Variants in SLC22A6 observed in about 807,000 individuals in gnomAD.
The protein encoded by SLC22A6 is PAH transporter.
Under a neutral mutation model 56.7 loss-of-function variants are expected in SLC22A6, and 45 were observed. That is an observed-to-expected ratio of 0.79 (90% CI 0.63 to 1.02). The LOEUF (loss-of-function observed/expected upper bound fraction) is 1.02. SLC22A6 is among the 50% of genes least tolerant of loss of function. The pLI is 0.00. For missense variants in SLC22A6, 606 were observed against 713.8 expected (o/e 0.85, Z 1.72); for synonymous variants, 291 against 295.9 (o/e 0.98, Z 0.17).
rs773816478 is a variant in SLC22A6, at chr11:62,977,191, C to G, written c.1558G>C (p.Glu520Gln). 1.9e-6 allele frequency: 3 copies of G among 1,614,182 alleles called. No individual in the cohort carries two copies. Among genetic ancestry groups the G allele is most frequent in the Non-Finnish European group, 2.5e-6 (3 of 1,180,032 alleles). ...TTCTGAGTGGGGGCCCACCTGCTCT[C>G]CAGGTCCTGCACCGTGTCTGGCAGT... ...QPLPDTVQDLESRKGKQTRQQ... is the reference protein window; with the variant it reads ...QPLPDTVQDLQSRKGKQTRQQ... Residue 520 changes from glutamate (E) to glutamine (Q), a missense_variant, in exon 9 of 10, where the codon GAG (glutamate) becomes CAG (glutamine). Physicochemically the swap from Glu to Gln is conservative, Grantham distance 29 (BLOSUM62 2). Coordinates refer to ENST00000360421, the MANE Select transcript of SLC22A6 (RefSeq NM_153276.3).
At position 62,984,474 on chromosome 11, in the gene SLC22A6, C is replaced by T. The variant is rs778178722; in HGVS notation, c.217G>A (p.Gly73Arg). The change falls in exon 1 of 10, where the codon GGG becomes AGG. Residue 73 changes from glycine (G) to arginine (R), a missense_variant. Transcript: ENST00000360421. ...LEVWLPRDRQGQPESCLRFTS... is the reference protein window; with the variant it reads ...LEVWLPRDRQRQPESCLRFTS... ...AAGCGGAGGCAGGACTCAGGCTGCCCCTGCCTGTCCCGGGGCAGCCAGACC... is the reference window on the plus strand; with the variant it reads ...AAGCGGAGGCAGGACTCAGGCTGCCTCTGCCTGTCCCGGGGCAGCCAGACC... 1.6e-4 allele frequency: 263 copies of T among 1,613,804 alleles called. 4 individuals carry two copies. The Admixed American group carries it at 4.3e-3, about 27-fold the overall frequency.
Position 62,984,693 on chromosome 11 carries a change from G to A in SLC22A6, c.-3C>T, listed in dbSNP as rs762880562. 1.9e-6 allele frequency: 3 copies of A among 1,611,698 alleles called. No homozygotes were observed. Among genetic ancestry groups the A allele is most frequent in the Non-Finnish European group, 2.5e-6 (3 of 1,179,588 alleles). On this transcript the variant is annotated 5_prime_UTR_variant, in exon 1 of 10. Transcript: ENST00000360421. ...TGCAGGAGGTCATTAAAGGCCATTG[G>A]GCCAGGCCCAGCCCAGTGGCTGGGG...
chr11:62,983,739 G>T lies in SLC22A6; in HGVS notation c.474-48C>A. The T allele has an allele frequency of 6.4e-7, 1 of 1,559,530 alleles. No individual in the cohort carries two copies. Among genetic ancestry groups the T allele is most frequent in the Non-Finnish European group, 8.7e-7 (1 of 1,151,258 alleles). ...TAGCAGGGCCCTGGAGACTGATGGG[G>T]GTCAGGCTGAGCCAGGAGAGGAGGG... is the stretch of plus-strand genomic sequence containing the variant. On this transcript the variant is annotated intron_variant, in intron 2 of 9. Coordinates refer to ENST00000360421, the MANE Select transcript of SLC22A6 (RefSeq NM_153276.3). The surrounding 1 kb of genome is among the most constrained non-coding windows in gnomAD (Gnocchi z 4.5).
intron 8 of SLC22A6, among the ~76,000 whole-genome samples, 193 bp from the exon 9 acceptor site, chr11:62,977,580 A>G (rs1166983880): frequency 6.6e-6 from 1 of 151,966 alleles, no homozygotes; most frequent in African/African-American, 2.4e-5. Context: ...CTGTGTTGCC[A>G]GGGCTGGTCT....
chr11:62,983,558 A>G lies in SLC22A6; in HGVS notation c.607T>C (p.Ser203Pro). The change falls in exon 3 of 10, where the codon TCC (serine) becomes CCC (proline). Residue 203 changes from serine (S) to proline (P), a missense_variant. Coordinates refer to ENST00000360421, the MANE Select transcript of SLC22A6 (RefSeq NM_153276.3). The surrounding 1 kb of genome is among the most constrained non-coding windows in gnomAD (Gnocchi z 4.5). ...TCACTCAGTGTCATGCAGTTGAGGG[A>G]GATGCCAGCCAGAGCCATGCCCGAG... ...LLSGMALAGISLNCMTLNVEW... is the reference protein window; with the variant it reads ...LLSGMALAGIPLNCMTLNVEW... 1 of 1,565,584 alleles carries G rather than the reference A, an allele frequency of 6.4e-7. No individual in the cohort carries two copies.
chr11:62,982,643 T>C (rs149417167), intron 3 of SLC22A6, among the ~76,000 whole-genome samples: 12 of 152,344 alleles, frequency 7.9e-5, no homozygotes, highest in African/African-American at 2.6e-4. Context: ...GGTTGAGGAA[T>C]GCCCTTGGGT....
In SLC22A6 at chr11:62,984,319, C is replaced by T; in HGVS notation, c.369+3G>A. 1.9e-6 allele frequency: 3 copies of T among 1,613,118 alleles called. No individual in the cohort carries two copies. The highest frequency in any genetic ancestry group is 3.3e-5 in the Admixed American group (2 of 60,008). The stretch of plus-strand genomic sequence containing the variant: ...CCCTGGATGGGGAGCCCCAGGTGCT[C>T]ACCTCAGTCACGATGGTAGATGGGA... On this transcript the variant is annotated splice_donor_region_variant and intron_variant, in intron 1 of 9. Transcript: ENST00000360421.
rs914594900 is a variant in SLC22A6 at position 62,981,276 on chromosome 11, G to A, written c.905C>T (p.Ala302Val). ...ARINGKREEG[A>V]KLSMEVLRAS... The stretch of plus-strand genomic sequence containing the variant: ...GGATCTCACCTCCATACTCAATTTG[G>A]CTCCTTCTTCCCGCTTCCCATTGAT... The change falls in exon 5 of 10, where the codon GCC becomes GTC. Residue 302 changes from alanine to valine, a missense_variant. By Grantham distance (64) the Ala-to-Val change is moderately conservative. Coordinates refer to ENST00000360421, the MANE Select transcript of SLC22A6 (RefSeq NM_153276.3). The A allele has an allele frequency of 1.9e-6, 3 of 1,609,406 alleles. No individual in the cohort carries two copies. Among genetic ancestry groups the A allele is most frequent in the Non-Finnish European group, 1.7e-6 (2 of 1,178,190 alleles).
Position 62,983,959 on chromosome 11 carries a change from C to G in SLC22A6, c.458G>C (p.Gly153Ala). 1 of 1,613,310 alleles carries G rather than the reference C, an allele frequency of 6.2e-7. No homozygotes were observed. The change falls in exon 2 of 10, where the codon GGC becomes GCC. Residue 153 changes from glycine (G) to alanine (A), a missense_variant. Gly to Ala is a moderately conservative substitution (Grantham distance 60, BLOSUM62 0). Coordinates refer to ENST00000360421, the MANE Select transcript of SLC22A6 (RefSeq NM_153276.3). The surrounding 1 kb of genome is among the most constrained non-coding windows in gnomAD (Gnocchi z 4.5). ...VGVLLGAMVF[G>A]YLADRLGRRK... is the part of the protein sequence containing the mutation. ...CAGGACTGACCTGTCTGCAAGGTAG[C>G]CGAACACCATGGCTCCGAGCAGCAC... is the stretch of plus-strand genomic sequence containing the variant.
At chr11:62,977,426 C>G in intron 8 of SLC22A6, 39 bp from the exon 9 acceptor site, 1 of 1,577,416 alleles carries the variant, frequency 6.3e-7, no homozygotes, top group Non-Finnish European at 8.6e-7. Flanking sequence ...GTTAGAGTTC[C>G]AGCATGAATG....
Position 62,977,387 on chromosome 11 carries a change from C to T in SLC22A6, c.1362G>A (p.Arg454=). The T allele has an allele frequency of 6.2e-7, 1 of 1,607,106 alleles. No individual in the cohort carries two copies. Among genetic ancestry groups the T allele is most frequent in the Non-Finnish European group, 8.5e-7 (1 of 1,179,100 alleles). ...YTGELYPTMI[R]QTGMGMGSTM... ...TGCTGCCCATTCCCATGCCTGTCTG[C>T]CTGCAGGGCCCGCAGCAGATGGGTG... Residue 454 remains arginine, a splice_region_variant and synonymous_variant, in exon 9 of 10, where the codon CGG becomes CGA. Transcript: ENST00000360421.
At chr11:62,976,950 C>A (rs565115281) in intron 9 of SLC22A6, 69 bp from the exon 10 acceptor site, 7 of 1,561,446 alleles carry the variant, frequency 4.5e-6, no homozygotes, top group Non-Finnish European at 4.4e-6. Flanking sequence ...TATGGAGGCT[C>A]CCAGGGGGTC....
rs768560803 is a variant in SLC22A6 at position 62,984,430 on chromosome 11, T to G, written c.261A>C (p.Gly87=). ...CTTCTGTGCCATTGAGAAAGGGCAG[T>G]CCCCACTGCGGGGAGGTGAAGCGGA... ...SCLRFTSPQW[G]LPFLNGTEAN... Residue 87 remains glycine, a synonymous_variant, in exon 1 of 10, where the codon GGA becomes GGC. Transcript: ENST00000360421. The G allele has an allele frequency of 1.2e-6, 2 of 1,613,738 alleles. No individual in the cohort carries two copies. Among genetic ancestry groups the G allele is most frequent in the South Asian group, 2.2e-5 (2 of 91,050 alleles).
intron 9 of SLC22A6, 126 bp from the exon 10 acceptor site, chr11:62,977,007 C>T: frequency 6.7e-7 from 1 of 1,501,050 alleles, no homozygotes; most frequent in South Asian, 1.2e-5. Context: ...CAAATACCTA[C>T]TGCTCCCTGG....
In SLC22A6 at chr11:62,983,555, G is replaced by A; in HGVS notation, c.610C>T (p.Leu204Phe). The A allele has an allele frequency of 6.4e-7, 1 of 1,564,850 alleles. No homozygotes were observed. Among genetic ancestry groups the A allele is most frequent in the African/African-American group, 1.4e-5 (1 of 73,896 alleles). Reference protein sequence around the residue: ...LSGMALAGISLNCMTLNVEWM... With the variant: ...LSGMALAGISFNCMTLNVEWM... The stretch of plus-strand genomic sequence containing the variant: ...CTCTCACTCAGTGTCATGCAGTTGA[G>A]GGAGATGCCAGCCAGAGCCATGCCC... The change falls in exon 3 of 10, where the codon CTC becomes TTC. Residue 204 changes from leucine to phenylalanine, a missense_variant. Leu to Phe is a conservative substitution (Grantham distance 22). Coordinates refer to ENST00000360421, the MANE Select transcript of SLC22A6 (RefSeq NM_153276.3). The surrounding 1 kb of genome is among the most constrained non-coding windows in gnomAD (Gnocchi z 4.5).
At position 62,976,610 on chromosome 11, in the gene SLC22A6, A is replaced by C; in HGVS notation, c.*184T>G. The C allele has an allele frequency of 1.8e-6, 1 of 541,276 alleles. No homozygotes were observed. The highest frequency in any genetic ancestry group is 2.7e-5 in the South Asian group (1 of 37,552). The allele number at this position is 541,276 out of a possible 1,614,324, so 33.5% of individuals were successfully genotyped here. On this transcript the variant is annotated 3_prime_UTR_variant, in exon 10 of 10. Coordinates refer to ENST00000360421, the MANE Select transcript of SLC22A6 (RefSeq NM_153276.3). ...GACACAGAGAGATGGTGCGCAGTCAAACCTTTTAATGATGTGGTTCTGGTG... is the reference window on the plus strand; with the variant it reads ...GACACAGAGAGATGGTGCGCAGTCACACCTTTTAATGATGTGGTTCTGGTG...
chr11:62,984,769 C>T lies in SLC22A6; in HGVS notation c.-79G>A. On this transcript the variant is annotated 5_prime_UTR_variant, in exon 1 of 10. Coordinates refer to ENST00000360421, the MANE Select transcript of SLC22A6 (RefSeq NM_153276.3). ...TCTGTCTGTCTGCCTGCCTGCTGTC[C>T]TTCGCTGGAGGAGCAGCACTGCCGT... 1 of 1,477,872 alleles carries T rather than the reference C, an allele frequency of 6.8e-7. No individual in the cohort carries two copies. The highest frequency in any genetic ancestry group is 1.3e-5 in the South Asian group (1 of 75,226). The allele number at this position is 1,477,872 out of a possible 1,614,324, so 91.5% of individuals were successfully genotyped here.
chr11:62,984,878 T>C lies in SLC22A6; in HGVS notation c.-188A>G. On this transcript the variant is annotated 5_prime_UTR_variant, in exon 1 of 10. Transcript: ENST00000360421. ...CAGCCTCCTTGGCTGCTCCTCCTTC[T>C]TCCCCGGTCTCCCTGATCTGTCCCT... The C allele has an allele frequency of 1.7e-6, 1 of 601,052 alleles. No individual in the cohort carries two copies. The highest frequency in any genetic ancestry group is 1.9e-5 in the African/African-American group (1 of 53,902). 37.2% of individuals were successfully genotyped at this position (601,052 alleles called of 1,614,324 possible). A position where few individuals can be genotyped will look rare whatever the true frequency, so the allele number is the denominator to read the frequency against.
chr11:62,979,962 G>C lies in SLC22A6; in HGVS notation c.1038-14C>G, dbSNP rs11568618. On this transcript the variant is annotated splice_polypyrimidine_tract_variant and intron_variant, in intron 6 of 9. Coordinates refer to ENST00000360421, the MANE Select transcript of SLC22A6 (RefSeq NM_153276.3). ...CTAGTGGCAAACCTAGCAGAGAGAA[G>C]AGAGGAGTATGGAGTTTGTTAGGAA... 5.6e-6 allele frequency: 9 copies of C among 1,601,178 alleles called. No individual in the cohort carries two copies. The East Asian group carries it at 2.0e-4, about 36-fold the overall frequency.
Sources: allele counts gnomAD v4.1 joint callset (sites outside exome capture counted in the v4.1 genomes callset), GRCh38; gene constraint gnomAD v4.1.1; non-coding constraint Gnocchi (gnomAD v3.1); transcripts MANE v1.5; gene names NCBI Gene and HGNC (gene_info 2026-07-23, HGNC 2026-07-21).